The following RAP1GAP2 variants were observed in gnomAD, a reference collection of about 807,000 sequenced individuals.
The protein encoded by RAP1GAP2 is RAP1 GTPase activating protein 2.
RAP1GAP2 carries 27 observed loss-of-function variants against 95.0 expected under a neutral mutation model. The ratio of observed to expected loss-of-function variants is 0.28; its 90% CI spans 0.21 to 0.39. The LOEUF is 0.39. Among genes scored for constraint, RAP1GAP2 ranks in the 10% least tolerant of loss-of-function variants. The probability of loss-of-function intolerance (pLI) is 1.00; values close to 1 mark genes in which losing one functional copy is unlikely to be tolerated. For synonymous variants in RAP1GAP2, 373 were observed against 380.9 expected (o/e 0.98, Z 0.24); for missense variants, 771 against 970.0 (o/e 0.79, Z 2.72).
chr17:2,929,196 G>C (rs2043061252), intron 3 of RAP1GAP2, among the ~76,000 whole-genome samples: 1 of 152,192 alleles, frequency 6.6e-6, no homozygotes, highest in Admixed American at 6.5e-5. Flanking sequence ...TCGCGCCACT[G>C]TACTCCAGCC....
At chr17:2,793,605 G>A (rs1597318460), upstream of RAP1GAP2, among the ~76,000 whole-genome samples, 3 of 152,372 alleles carry the variant, frequency 2.0e-5, no homozygotes, top group East Asian at 1.9e-4. Context: ...CGGGAGGCCA[G>A]GTGGGCTGAC....
chr17:2,881,149 TA>T (rs2073272250), intron 2 of RAP1GAP2, among the ~76,000 whole-genome samples: 1 of 151,742 alleles, frequency 6.6e-6, no homozygotes, highest in African/African-American at 2.4e-5. Context: ...TAATCCCAGC[TA>T]CTCGGGAGGC....
chr17:2,900,912 T>C lies in RAP1GAP2; in HGVS notation c.81-4372T>C, dbSNP rs16952483. On this transcript the variant is annotated intron_variant, in intron 2 of 24. Transcript: ENST00000254695. ...AAGTGTAGGGTGCTCTCCATAGCGA[T>C]GTGTGAGACATGACGGTTGCAGTGA... 5.4e-3 allele frequency among the ~76,000 whole-genome samples: 829 copies of C among 152,218 alleles called. 8 individuals carry two copies. Among genetic ancestry groups the C allele is most frequent in the African/African-American group, 0.019 (800 of 41,546 alleles).
chr17:3,035,060 C>G lies in RAP1GAP2; in HGVS notation c.*1699C>G, dbSNP rs1028981769. 6.6e-6 allele frequency: 1 copy of G among 151,640 alleles called. No homozygotes were observed. Among genetic ancestry groups the G allele is most frequent in the Non-Finnish European group, 1.5e-5 (1 of 67,972 alleles). The allele number at this position is 151,640 out of a possible 1,614,324, so 9.4% of individuals were successfully genotyped here. A position where few individuals can be genotyped will look rare whatever the true frequency, so the allele number is the denominator to read the frequency against. On this transcript the variant is annotated 3_prime_UTR_variant, in exon 25 of 25. Transcript: ENST00000254695. This position sits in a 1 kb window ranked among gnomAD's most constrained non-coding sequence, Gnocchi z 4.3. The stretch of plus-strand genomic sequence containing the variant: ...AAGCAACATTGTGATCTTTCTTCCC[C>G]GCCACGTGTGTGGGAATGATTGAGT...
chr17:2,840,219 G>A (rs75042296), intron 2 of RAP1GAP2, among the ~76,000 whole-genome samples: 28,796 of 150,486 alleles, frequency 0.19, 2,898 homozygotes, highest in Non-Finnish European at 0.22. Context: ...ACTGGAGTGC[G>A]GTGGCGCGAT....
intron 18 of RAP1GAP2, among the ~76,000 whole-genome samples, chr17:3,020,173 C>T (rs2046906946): frequency 6.6e-6 from 1 of 152,172 alleles, no homozygotes; most frequent in Non-Finnish European, 1.5e-5. Context: ...GCCTGTGTCC[C>T]CCGGAATTGT....
At chr17:2,844,395 A>C (rs2071496332) in intron 2 of RAP1GAP2, among the ~76,000 whole-genome samples, 1 of 152,040 alleles carries the variant, frequency 6.6e-6, no homozygotes. Flanking sequence ...TTCCCCTAAG[A>C]GTAGAGAGGG....
chr17:2,878,643 A>G (rs1050606773), intron 2 of RAP1GAP2, among the ~76,000 whole-genome samples: 6 of 152,196 alleles, frequency 3.9e-5, no homozygotes, highest in African/African-American at 1.4e-4. Context: ...TAACTAAGGA[A>G]GGGAGCAGGA....
At chr17:2,877,286 A>G (rs2073134060) in intron 2 of RAP1GAP2, among the ~76,000 whole-genome samples, 1 of 151,864 alleles carries the variant, frequency 6.6e-6, no homozygotes. Context: ...CATCTCCACC[A>G]CGGTCTTTTG....
At chr17:2,795,503 T>C (rs532799391), upstream of RAP1GAP2, among the ~76,000 whole-genome samples, 19 of 152,234 alleles carry the variant, frequency 1.2e-4, no homozygotes, top group East Asian at 3.7e-3. Flanking sequence ...GGAAGACAAA[T>C]CCACCCGCAC....
chr17:2,944,194 A>G (rs925311726), intron 3 of RAP1GAP2, among the ~76,000 whole-genome samples: 5 of 151,994 alleles, frequency 3.3e-5, no homozygotes, highest in Non-Finnish European at 7.4e-5. Context: ...CCAAACCACA[A>G]AAGATAACAA....
chr17:3,008,055 C>T lies in RAP1GAP2; in HGVS notation c.1404C>T (p.Leu468=). Residue 468 remains leucine, a synonymous_variant, in exon 17 of 25, where the codon CTC becomes CTT. Coordinates refer to ENST00000254695, the MANE Select transcript of RAP1GAP2 (RefSeq NM_015085.5). The surrounding 1 kb of genome is among the most constrained non-coding windows in gnomAD (Gnocchi z 4.2). ...TCCTGGACAACCTTCACGATGAGCT[C>T]CACGCCCACACACAGGCCATGCTGG... ...AALLDNLHDE[L]HAHTQAMLGL... 6.2e-7 allele frequency: 1 copy of T among 1,613,970 alleles called. No individual in the cohort carries two copies. Among genetic ancestry groups the T allele is most frequent in the Non-Finnish European group, 8.5e-7 (1 of 1,179,882 alleles).
rs1597446881 is a variant in RAP1GAP2, at chr17:2,855,528, G to A, written c.81-49756G>A. On this transcript the variant is annotated intron_variant, in intron 2 of 24. Coordinates refer to ENST00000254695, the MANE Select transcript of RAP1GAP2 (RefSeq NM_015085.5). The surrounding 1 kb of genome is among the most constrained non-coding windows in gnomAD (Gnocchi z 4.3). Reference sequence around the variant, plus strand: ...GATTCTCTCCTGGTTAATGGCCAGTGGTACTGATGTTTTTCCATTTGTGGT... The same window carrying A: ...GATTCTCTCCTGGTTAATGGCCAGTAGTACTGATGTTTTTCCATTTGTGGT... Among the ~76,000 whole-genome samples the A allele has an allele frequency of 6.6e-6, 1 of 152,100 alleles. No homozygotes were observed. The highest frequency in any genetic ancestry group is 2.4e-5 in the African/African-American group (1 of 41,420).
intron 2 of RAP1GAP2, among the ~76,000 whole-genome samples, chr17:2,810,748 C>T (rs935947611): frequency 3.9e-5 from 6 of 152,012 alleles, no homozygotes; most frequent in Non-Finnish European, 5.9e-5. Flanking sequence ...TCAGGCTGGT[C>T]GCAAACTCCT....
chr17:2,778,600 G>A (rs1445239583), intron 1 of RAP1GAP2, among the ~76,000 whole-genome samples: 1 of 152,118 alleles, frequency 6.6e-6, no homozygotes, highest in Non-Finnish European at 1.5e-5. Flanking sequence ...GAGGGAAAGG[G>A]ACCCTGGCAT....
At chr17:2,868,031 C>T (rs1021973231) in intron 2 of RAP1GAP2, among the ~76,000 whole-genome samples, 3 of 152,172 alleles carry the variant, frequency 2.0e-5, no homozygotes, top group Non-Finnish European at 4.4e-5. Context: ...CGCGCTGGAC[C>T]TGGTCTGAGA....
chr17:2,822,588 G>C (rs376815437), intron 2 of RAP1GAP2, among the ~76,000 whole-genome samples: 3 of 149,856 alleles, frequency 2.0e-5, no homozygotes, highest in Admixed American at 1.3e-4. Flanking sequence ...TCACACCACC[G>C]TACTCCGCCT....
intron 3 of RAP1GAP2, among the ~76,000 whole-genome samples, chr17:2,920,383 G>T (rs867832840): frequency 4.8e-5 from 7 of 145,236 alleles, no homozygotes; most frequent in South Asian, 5.0e-4. Context: ...CCCAACCCCC[G>T]CCCCAGGCAT....
At chr17:3,022,976 T>C (rs2047004909) in intron 19 of RAP1GAP2, among the ~76,000 whole-genome samples, 1 of 152,268 alleles carries the variant, frequency 6.6e-6, no homozygotes, top group African/African-American at 2.4e-5. Context: ...CACCACTTAC[T>C]GAAGAATGTA....
Sources: gnomAD v4.1 joint callset for allele counts (sites outside exome capture counted in the v4.1 genomes callset) on GRCh38, gnomAD v4.1.1 for gene constraint, Gnocchi (gnomAD v3.1) non-coding constraint, MANE v1.5 for transcripts, NCBI Gene and HGNC (gene_info 2026-07-23, HGNC 2026-07-21) for gene names.